The following OR2L13 variants were observed in gnomAD, a reference collection of about 807,000 sequenced individuals.
OR2L13 encodes olfactory receptor 2L13.
In OR2L13, 14 loss-of-function variants were observed where a neutral mutation model predicts 15.3. The observed-to-expected ratio is 0.91, with a 90% confidence interval of 0.60 to 1.43. The LOEUF (loss-of-function observed/expected upper bound fraction) is 1.43, where lower values mean the gene tolerates loss of function less well. Among genes scored for constraint, OR2L13 ranks in the 40% most tolerant of loss-of-function variants. OR2L13 has a pLI of 0.00. For synonymous variants in OR2L13, 152 were observed against 142.9 expected (o/e 1.06, Z -0.45); for missense variants, 367 against 387.9 (o/e 0.95, Z 0.45).
the OR2L13 span, among the ~76,000 whole-genome samples, chr1:247,972,527 A>G: frequency 6.6e-6 from 1 of 152,212 alleles, no homozygotes. Flanking sequence ...GAAATGGATA[A>G]ATTCCTGGAC....
the OR2L13 span, among the ~76,000 whole-genome samples, chr1:247,960,961 G>A: frequency 1.3e-5 from 2 of 152,076 alleles, no homozygotes. Flanking sequence ...CCCACTGTCC[G>A]ACAATCCTGT....
chr1:247,953,373 C>G, the OR2L13 span, among the ~76,000 whole-genome samples: 1 of 152,058 alleles, frequency 6.6e-6, no homozygotes, highest in Non-Finnish European at 1.5e-5. Flanking sequence ...CATGCGGTAT[C>G]TATGTATCTA....
At chr1:247,948,733 A>G in the OR2L13 span, 320 of 709,650 alleles carry the variant, frequency 4.5e-4, 1 homozygote, top group African/African-American at 5.1e-3. Flanking sequence ...TTTAGGGTTC[A>G]GTATCAACTG....
chr1:247,965,900 A>G, the OR2L13 span: 1 of 1,612,626 alleles, frequency 6.2e-7, no homozygotes, highest in African/African-American at 1.3e-5. Flanking sequence ...CGGCTCATTA[A>G]CCACTTTTTC....
chr1:247,971,939 C>A, the OR2L13 span, among the ~76,000 whole-genome samples: 1 of 152,186 alleles, frequency 6.6e-6, no homozygotes, highest in Non-Finnish European at 1.5e-5. Flanking sequence ...ACAGTGCAAT[C>A]AAATTAGAAC....
At chr1:248,088,185 T>C in the OR2L13 span, among the ~76,000 whole-genome samples, 1 of 152,116 alleles carries the variant, frequency 6.6e-6, no homozygotes, top group Non-Finnish European at 1.5e-5. Context: ...CATAGACTTG[T>C]GGTTCTTAAA....
At chr1:248,003,202 T>C in the OR2L13 span, 1 of 1,506,142 alleles carries the variant, frequency 6.6e-7, no homozygotes, top group Non-Finnish European at 9.2e-7. Context: ...GAATTGGCCT[T>C]TTCCTCTTCA....
chr1:247,990,920 G>GC, the OR2L13 span: 7 of 1,480,270 alleles, frequency 4.7e-6, no homozygotes, highest in Non-Finnish European at 6.6e-6. Context: ...TGTTCCTATG[G>GC]CCGGATTCTC....
chr1:248,098,655 A>G (rs1042297710), exon 2 of OR2L13: 2 of 152,214 alleles, frequency 1.3e-5, no homozygotes, highest in African/African-American at 4.8e-5. Context: ...GAACAGCAAA[A>G]GTTGAAAAAT....
chr1:248,020,992 G>T, the OR2L13 span, among the ~76,000 whole-genome samples: 1 of 151,754 alleles, frequency 6.6e-6, no homozygotes, highest in African/African-American at 2.4e-5. Flanking sequence ...ACAGGCTGCT[G>T]CAGCTTTAGA....
the OR2L13 span, among the ~76,000 whole-genome samples, chr1:248,014,994 C>T: frequency 1.3e-5 from 2 of 152,252 alleles, no homozygotes; most frequent in African/African-American, 4.8e-5. Flanking sequence ...CACTTTCTGT[C>T]TATCCATGAA....
At chr1:247,947,827 T>C in the OR2L13 span, among the ~76,000 whole-genome samples, 5 of 152,188 alleles carry the variant, frequency 3.3e-5, no homozygotes, top group Admixed American at 1.3e-4. Context: ...AAATTATAAC[T>C]GACAAAAGAA....
the OR2L13 span, chr1:247,938,900 T>G: frequency 6.6e-6 from 1 of 152,202 alleles, no homozygotes; most frequent in African/African-American, 2.4e-5. Flanking sequence ...ACCTGGGTAT[T>G]GTGGTGGAGA....
At chr1:248,085,628 C>A in the OR2L13 span, among the ~76,000 whole-genome samples, 3 of 151,778 alleles carry the variant, frequency 2.0e-5, no homozygotes, top group African/African-American at 7.3e-5. Flanking sequence ...AAAAAGTAAA[C>A]ATGAAAGCAT....
the OR2L13 span, chr1:247,937,187 G>C: frequency 5.2e-5 from 8 of 153,458 alleles, no homozygotes; most frequent in Admixed American, 3.9e-4. Context: ...ACTCGCTGGG[G>C]CTGCCGGAGG....
the OR2L13 span, chr1:248,039,093 T>G: frequency 9.3e-6 from 15 of 1,614,064 alleles, no homozygotes; most frequent in African/African-American, 6.7e-5. Context: ...TCTGGCTGTT[T>G]TCTACACCAT....
the OR2L13 span, among the ~76,000 whole-genome samples, chr1:248,010,203 A>G: frequency 6.6e-6 from 1 of 152,124 alleles, no homozygotes; most frequent in African/African-American, 2.4e-5. Flanking sequence ...GGGTATTCAA[A>G]TAGGAAGAGA....
chr1:248,008,340 T>C, the OR2L13 span, among the ~76,000 whole-genome samples: 1 of 152,190 alleles, frequency 6.6e-6, no homozygotes, highest in South Asian at 2.1e-4. Context: ...TCTAAAAGTA[T>C]AAAAATATCT....
At chr1:248,001,429 T>G in the OR2L13 span, among the ~76,000 whole-genome samples, 2 of 151,894 alleles carry the variant, frequency 1.3e-5, no homozygotes, top group Non-Finnish European at 2.9e-5. Context: ...ATTTCATTAA[T>G]GCTGACACCT....
Sources: allele counts gnomAD v4.1 joint callset (sites outside exome capture counted in the v4.1 genomes callset), GRCh38; gene constraint gnomAD v4.1.1; transcripts MANE v1.5; gene names NCBI Gene and HGNC (gene_info 2026-07-23, HGNC 2026-07-21).